The following HSPA4 variants were observed in gnomAD, a reference collection of about 807,000 sequenced individuals.
HSPA4 encodes heat shock 70 kDa protein 4.
HSPA4 carries 25 observed loss-of-function variants against 106.2 expected under a neutral mutation model. The observed-to-expected ratio is 0.24, with a 90% confidence interval of 0.17 to 0.33. The LOEUF is 0.33. HSPA4 is among the 10% of genes least tolerant of loss of function. HSPA4 has a pLI of 1.00. For synonymous variants in HSPA4, 332 were observed against 333.6 expected, an observed-to-expected ratio of 1.00 and a Z score of 0.05; for missense variants, 841 against 996.0, an observed-to-expected ratio of 0.84 and a Z score of 2.10.
At chr5:133,104,113 A>T (rs967593949) in intron 18 of HSPA4, 87 bp downstream of exon 18, 239 of 1,413,156 alleles carry the variant, frequency 1.7e-4, no homozygotes, top group Non-Finnish European at 2.2e-4. Context: ...GAACTTTATT[A>T]TAGTGTTTTA....
At chr5:133,094,897 A>G (rs1161790873) in intron 13 of HSPA4, among the ~76,000 whole-genome samples, 1 of 152,226 alleles carries the variant, frequency 6.6e-6, no homozygotes, top group African/African-American at 2.4e-5. Context: ...CTTGAAGTGA[A>G]TATTTTTCTA....
At chr5:133,052,954 A>T (rs942276735) in intron 1 of HSPA4, 1 of 152,344 alleles carries the variant, frequency 6.6e-6, no homozygotes, top group African/African-American at 2.4e-5. Flanking sequence ...ATTTAATAAA[A>T]TCGGTGCTCT....
intron 1 of HSPA4, among the ~76,000 whole-genome samples, chr5:133,058,877 C>T (rs1017087213): frequency 6.6e-6 from 1 of 152,094 alleles, no homozygotes; most frequent in Non-Finnish European, 1.5e-5. Context: ...CCTGTAATCC[C>T]AGCACTTTCG....
In HSPA4 at chr5:133,086,799, T is replaced by C; in HGVS notation, c.926T>C (p.Met309Thr). The C allele has an allele frequency of 6.2e-7, 1 of 1,613,532 alleles. No individual in the cohort carries two copies. The highest frequency in any genetic ancestry group is 8.5e-7 in the Non-Finnish European group (1 of 1,179,546). The change falls in exon 8 of 19, where the codon ATG (methionine) becomes ACG (threonine). Residue 309 changes from methionine (M) to threonine (T), a missense_variant. This residue lies in a region of HSPA4 where 347 missense variants were observed against 408.7 expected (regional missense o/e 0.85). Transcript: ENST00000304858. ...TTTTATAGAGGCAAATTTCTGGAGA[T>C]GTGCAATGATCTCTTAGCTAGAGTG... ...GTMNRGKFLE[M>T]CNDLLARVEP...
At chr5:133,070,640 G>C (rs894695509) in intron 4 of HSPA4, 144 bp downstream of exon 4, 2 of 927,308 alleles carry the variant, frequency 2.2e-6, no homozygotes, top group Non-Finnish European at 3.1e-6. Flanking sequence ...AGTGGCTCAC[G>C]CCTGTAATCC....
chr5:133,060,443 A>G (rs1765226832), intron 1 of HSPA4, among the ~76,000 whole-genome samples: 1 of 151,852 alleles, frequency 6.6e-6, no homozygotes. Context: ...GCTCACTACA[A>G]TCTCTGCCTC....
At chr5:133,082,576 C>T (rs1012634513) in intron 7 of HSPA4, among the ~76,000 whole-genome samples, 1 of 152,074 alleles carries the variant, frequency 6.6e-6, no homozygotes, top group South Asian at 2.1e-4. Context: ...AGAGATCCTC[C>T]CACCTCAGAC....
chr5:133,073,117 T>C, intron 4 of HSPA4, 113 bp from the exon 5 acceptor site: 3 of 623,838 alleles, frequency 4.8e-6, no homozygotes, highest in Non-Finnish European at 8.2e-6. Context: ...GTTTGAAATA[T>C]TTTCTTGATC....
At chr5:133,070,327 A>C in intron 3 of HSPA4, 47 bp from the exon 4 acceptor site, 1 of 1,572,510 alleles carries the variant, frequency 6.4e-7, no homozygotes, top group Non-Finnish European at 8.6e-7. Flanking sequence ...CTAGGACATG[A>C]AGAAAGAAAT....
chr5:133,065,730 C>T (rs1416554836), intron 2 of HSPA4, among the ~76,000 whole-genome samples: 3 of 152,114 alleles, frequency 2.0e-5, no homozygotes, highest in Admixed American at 6.6e-5. Context: ...GAAAGCATAC[C>T]TCTAGAAATA....
chr5:133,091,491 G>A, intron 12 of HSPA4, 117 bp downstream of exon 12: 1 of 693,802 alleles, frequency 1.4e-6, no homozygotes, highest in Non-Finnish European at 2.4e-6. Context: ...GAGTGAGAGT[G>A]GGTTTGTATG....
chr5:133,080,669 C>G (rs1561581342), intron 7 of HSPA4, among the ~76,000 whole-genome samples: 2 of 151,460 alleles, frequency 1.3e-5, no homozygotes, highest in Non-Finnish European at 2.9e-5. Flanking sequence ...GCCTATCTTA[C>G]ATATATATAT....
In HSPA4 at chr5:133,073,730, T is replaced by C. The variant is rs1327256607; in HGVS notation, c.530-263T>C. Among the ~76,000 whole-genome samples, 3 of 152,118 alleles carry C rather than the reference T, an allele frequency of 2.0e-5. No individual in the cohort carries two copies. The East Asian group carries it at 5.8e-4, about 29-fold the overall frequency. On this transcript the variant is annotated intron_variant, in intron 5 of 18. Coordinates refer to ENST00000304858, the MANE Select transcript of HSPA4 (RefSeq NM_002154.4). The stretch of plus-strand genomic sequence containing the variant: ...GGTAGAAAAGATCCAGGAAAATATA[T>C]TTGGAAAATGGGGGAAATGGCTTGG...
At position 133,106,101 on chromosome 5, in the gene HSPA4, A is replaced by ATTT. The variant is rs1765854579; in HGVS notation, c.*1665_*1666insTTT. The ATTT allele has an allele frequency of 6.6e-4, 53 of 80,230 alleles. No homozygotes were observed. The highest frequency in any genetic ancestry group is 1.2e-3 in the African/African-American group (23 of 19,852). 5.0% of individuals were successfully genotyped at this position (80,230 alleles called of 1,614,324 possible). On this transcript the variant is annotated 3_prime_UTR_variant, in exon 19 of 19. Transcript: ENST00000304858. ...GGCCATTTCTTCTTAAAAAAAAAAA[A>ATTT]ATTTTTTTTTTTTTTTTTTTTTTTT...
chr5:133,097,518 TG>T (rs1434538190), intron 15 of HSPA4, among the ~76,000 whole-genome samples: 3 of 151,874 alleles, frequency 2.0e-5, no homozygotes, highest in African/African-American at 7.3e-5. Flanking sequence ...ATTCGAATAT[TG>T]TTATTTATCT....
intron 11 of HSPA4, chr5:133,090,946 G>GA: frequency 2.0e-6 from 1 of 511,270 alleles, no homozygotes. Context: ...GAAATTGGAA[G>GA]AAAGGAAAGA....
intron 7 of HSPA4, among the ~76,000 whole-genome samples, chr5:133,085,495 A>AAAAAAAAAAAAAAAC (rs1581475703): frequency 6.7e-6 from 1 of 149,708 alleles, no homozygotes; most frequent in African/African-American, 2.5e-5. Context: ...CTACTAAAAA[A>AAAAAAAAAAAAAAAC]AAAAAAATAC....
At chr5:133,064,908 T>G (rs777116945) in intron 1 of HSPA4, 72 bp from the exon 2 acceptor site, 56 of 1,282,350 alleles carry the variant, frequency 4.4e-5, no homozygotes, top group Admixed American at 1.1e-4. Context: ...GATACTCAGA[T>G]CTTGCCTGCT....
In HSPA4 at chr5:133,089,174, T is replaced by G. The variant is rs1416866724; in HGVS notation, c.1244+13T>G. The G allele has an allele frequency of 7.1e-7, 1 of 1,400,296 alleles. No individual in the cohort carries two copies. The highest frequency in any genetic ancestry group is 2.3e-5 in the East Asian group (1 of 43,264). The allele number at this position is 1,400,296 out of a possible 1,614,324, so 86.7% of individuals were successfully genotyped here. A position where few individuals can be genotyped will look rare whatever the true frequency, so the allele number is the denominator to read the frequency against. On this transcript the variant is annotated intron_variant, in intron 10 of 18. Coordinates refer to ENST00000304858, the MANE Select transcript of HSPA4 (RefSeq NM_002154.4). ...AAGAAGGGTCAAGGTATCATGTTTATTAATCATTTACATATCTAAAGTTAA... is the reference window on the plus strand; with the variant it reads ...AAGAAGGGTCAAGGTATCATGTTTAGTAATCATTTACATATCTAAAGTTAA...
Sources: gnomAD v4.1 joint callset for allele counts (sites outside exome capture counted in the v4.1 genomes callset) on GRCh38, gnomAD v4.1.1 for gene constraint, gnomAD v4.1.1 regional missense constraint, MANE v1.5 for transcripts, NCBI Gene and HGNC (gene_info 2026-07-23, HGNC 2026-07-21) for gene names.